Variants in GABBR2 observed in about 807,000 individuals in gnomAD.
GABBR2 encodes the protein gamma-aminobutyric acid type B receptor subunit 2, also known as G-protein coupled receptor 51.
Under a neutral mutation model 105.6 loss-of-function variants are expected in GABBR2, and 23 were observed. The observed-to-expected ratio is 0.22, with a 90% CI of 0.16 to 0.31. GABBR2 has a LOEUF of 0.31. GABBR2 is among the 10% of genes least tolerant of loss of function. The pLI is 1.00. For missense variants in GABBR2, 734 were observed against 1,245.5 expected (o/e 0.59, Z 6.18); for synonymous variants, 478 against 499.7 (o/e 0.96, Z 0.58).
chr9:98,596,897 C>G (rs766081967), intron 1 of GABBR2, among the ~76,000 whole-genome samples: 1 of 152,088 alleles, frequency 6.6e-6, no homozygotes, highest in Non-Finnish European at 1.5e-5. Context: ...TGGGAATTGG[C>G]AGCTCCCCTC....
At chr9:98,543,633 C>G (rs1039512848) in intron 2 of GABBR2, among the ~76,000 whole-genome samples, 1 of 152,190 alleles carries the variant, frequency 6.6e-6, no homozygotes, top group Non-Finnish European at 1.5e-5. Context: ...GTCACTGTGA[C>G]TACAGGTGTG....
chr9:98,387,765 A>G (rs1420783713), intron 10 of GABBR2, among the ~76,000 whole-genome samples: 3 of 151,936 alleles, frequency 2.0e-5, no homozygotes, highest in African/African-American at 7.2e-5. Flanking sequence ...TCTCTTAAAA[A>G]AGTAAAATAA....
chr9:98,305,506 G>A (rs771841022), intron 15 of GABBR2, among the ~76,000 whole-genome samples: 1 of 152,206 alleles, frequency 6.6e-6, no homozygotes, highest in Admixed American at 6.5e-5. Context: ...CTATAGTTAT[G>A]GCCATATCTT....
intron 1 of GABBR2, among the ~76,000 whole-genome samples, chr9:98,623,887 C>T (rs1829701265): frequency 6.6e-6 from 1 of 152,146 alleles, no homozygotes; most frequent in Non-Finnish European, 1.5e-5. Context: ...TCTCTGGGGG[C>T]CATTTTTCTG....
chr9:98,416,001 T>C (rs1284503123), intron 7 of GABBR2, among the ~76,000 whole-genome samples: 14 of 152,062 alleles, frequency 9.2e-5, no homozygotes, highest in Admixed American at 9.2e-4. Context: ...GGAGGAAAGA[T>C]AGGTAGTCAG....
chr9:98,655,025 C>T (rs982646439), intron 1 of GABBR2, among the ~76,000 whole-genome samples: 1 of 152,134 alleles, frequency 6.6e-6, no homozygotes, highest in African/African-American at 2.4e-5. Flanking sequence ...ATTTCAACTA[C>T]ATGACATTCT....
chr9:98,342,973 G>T (rs921159686), intron 13 of GABBR2, among the ~76,000 whole-genome samples: 3 of 152,228 alleles, frequency 2.0e-5, no homozygotes, highest in Non-Finnish European at 4.4e-5. Flanking sequence ...TGTAGAGGGA[G>T]ATAGAAGGTA....
intron 10 of GABBR2, among the ~76,000 whole-genome samples, chr9:98,387,432 C>T (rs573103200): frequency 1.2e-4 from 18 of 152,218 alleles, no homozygotes; most frequent in Admixed American, 9.2e-4. Context: ...GATTATGTGC[C>T]CAGGCCTGTG....
chr9:98,620,247 T>TTCTCCC (rs1829649761), intron 1 of GABBR2, among the ~76,000 whole-genome samples: 1 of 146,508 alleles, frequency 6.8e-6, no homozygotes, highest in Non-Finnish European at 1.5e-5. Context: ...TTTTCTCTCT[T>TTCTCCC]TCTCTCTCTC....
At chr9:98,577,235 A>G (rs1828932301) in intron 2 of GABBR2, among the ~76,000 whole-genome samples, 1 of 1,440 alleles carries the variant, frequency 6.9e-4, no homozygotes, top group African/African-American at 2.1e-3. Context: ...TGGAGCAAAA[A>G]AGTAAACATG....
intron 12 of GABBR2, among the ~76,000 whole-genome samples, chr9:98,365,481 A>T (rs1277856203): frequency 6.6e-6 from 1 of 152,238 alleles, no homozygotes; most frequent in Non-Finnish European, 1.5e-5. Flanking sequence ...GATGCTGAGA[A>T]TCAGAGGAGA....
At chr9:98,323,618 T>C (rs935666001) in intron 13 of GABBR2, among the ~76,000 whole-genome samples, 7 of 152,318 alleles carry the variant, frequency 4.6e-5, no homozygotes, top group Admixed American at 1.3e-4. Context: ...GCCCAAGCTG[T>C]CCAGCTCCAG....
chr9:98,542,603 G>C (rs1293431157), intron 2 of GABBR2, among the ~76,000 whole-genome samples: 2 of 152,140 alleles, frequency 1.3e-5, no homozygotes, highest in Non-Finnish European at 2.9e-5. Flanking sequence ...CCATAAGATA[G>C]AGTCTGTGAT....
chr9:98,551,356 T>C (rs1828482452), intron 2 of GABBR2, among the ~76,000 whole-genome samples: 1 of 152,148 alleles, frequency 6.6e-6, no homozygotes, highest in South Asian at 2.1e-4. Flanking sequence ...TGAGCTGAGA[T>C]CATGCCACCG....
chr9:98,385,937 G>A (rs1230401382), intron 10 of GABBR2, among the ~76,000 whole-genome samples, 165 bp from the exon 11 acceptor site: 2 of 152,198 alleles, frequency 1.3e-5, no homozygotes, highest in Non-Finnish European at 2.9e-5. Context: ...TCAGCAGGAA[G>A]TCCCACATTT....
intron 6 of GABBR2, among the ~76,000 whole-genome samples, chr9:98,467,543 C>T (rs28442206): frequency 0.056 from 8,557 of 152,282 alleles, 285 homozygotes; most frequent in East Asian, 0.14. Flanking sequence ...TTTCCTTCCT[C>T]CGTGCTAAGC....
At chr9:98,443,967 A>G (rs1826076796) in intron 7 of GABBR2, among the ~76,000 whole-genome samples, 1 of 152,202 alleles carries the variant, frequency 6.6e-6, no homozygotes, top group Non-Finnish European at 1.5e-5. Flanking sequence ...GGTGCAATGA[A>G]TGCTGGTTGA....
chr9:98,696,483 T>C (rs1295918488), intron 1 of GABBR2, among the ~76,000 whole-genome samples: 2 of 152,164 alleles, frequency 1.3e-5, no homozygotes, highest in Non-Finnish European at 2.9e-5. Flanking sequence ...GGGTCAGTGG[T>C]CTTAATTGTC....
intron 12 of GABBR2, among the ~76,000 whole-genome samples, chr9:98,364,725 T>G (rs1831646810): frequency 6.6e-6 from 1 of 151,840 alleles, no homozygotes; most frequent in Non-Finnish European, 1.5e-5. Flanking sequence ...CTCAGCCTCC[T>G]GAGTAGCTGG....
Sources: gnomAD v4.1 joint callset for allele counts (sites outside exome capture counted in the v4.1 genomes callset) on GRCh38, gnomAD v4.1.1 for gene constraint, MANE v1.5 for transcripts, NCBI Gene and HGNC (gene_info 2026-07-23, HGNC 2026-07-21) for gene names.